The following ANO1 variants were observed in gnomAD, a reference collection of about 807,000 sequenced individuals.
ANO1 encodes the protein anoctamin-1.
In ANO1, 59 loss-of-function variants were observed where a neutral mutation model predicts 124.0. That is an observed-to-expected ratio of 0.48 (90% confidence interval 0.39 to 0.59). The LOEUF (loss-of-function observed/expected upper bound fraction) is 0.59, where lower values mean the gene tolerates loss of function less well. Among genes scored for constraint, ANO1 ranks in the 20% least tolerant of loss-of-function variants. The pLI, the probability that ANO1 is intolerant of heterozygous loss-of-function variation, is 0.00. For missense variants in ANO1, 1,059 were observed against 1,328.0 expected (o/e 0.80, Z 3.15); for synonymous variants, 529 against 532.0 (o/e 0.99, Z 0.08).
At position 70,103,930 on chromosome 11, in the gene ANO1, G is replaced by C. The variant is rs75924987; in HGVS notation, c.541-69G>C. 2,068 of 1,532,282 alleles carry C rather than the reference G, an allele frequency of 1.3e-3. 25 individuals carry two copies. The African/African-American group carries it at 0.026, about 19-fold the overall frequency. The allele number at this position is 1,532,282 out of a possible 1,614,324, so 94.9% of individuals were successfully genotyped here. Reference sequence around the variant, plus strand: ...GGGTGGGATGGTTCTCTGACCATCCGAGAACAGATTCCACGGATCATGGTC... The same window carrying C: ...GGGTGGGATGGTTCTCTGACCATCCCAGAACAGATTCCACGGATCATGGTC... On this transcript the variant is annotated intron_variant, in intron 3 of 25. Coordinates refer to ENST00000355303, the MANE Select transcript of ANO1 (RefSeq NM_018043.7).
In ANO1 at chr11:70,001,933, C is replaced by G. The variant is rs4611234; in HGVS notation, c.58+15767C>G. 1.2e-3 allele frequency among the ~76,000 whole-genome samples: 187 copies of G among 151,606 alleles called. 1 individual carries two copies. Among genetic ancestry groups the G allele is most frequent in the African/African-American group, 4.1e-3 (170 of 41,370 alleles). ...TCCTGCCTCAGCCTCTCCAGTAGCT[C>G]GGATTACAGGTGCCCACCACCACAC... On this transcript the variant is annotated intron_variant, in intron 1 of 27. Coordinates refer to the ANO1 transcript ENST00000531349.
At chr11:70,151,722 G>A (rs1470108667) in intron 12 of ANO1, among the ~76,000 whole-genome samples, 2 of 152,180 alleles carry the variant, frequency 1.3e-5, no homozygotes, top group East Asian at 1.9e-4. Flanking sequence ...CGGCTGGTCA[G>A]GGACTCCTTT....
intron 21 of ANO1, 52 bp from the exon 22 acceptor site, chr11:70,170,835 C>G (rs1045205504): frequency 1.3e-6 from 2 of 1,570,758 alleles, no homozygotes; most frequent in African/African-American, 1.4e-5. Flanking sequence ...GGAGTCCCCC[C>G]TTATGGGCTG....
intron 22 of ANO1, among the ~76,000 whole-genome samples, chr11:70,173,939 A>AT (rs367804030): frequency 0.027 from 3,886 of 143,566 alleles, 172 homozygotes; most frequent in African/African-American, 0.088. Flanking sequence ...GGCAGTTTTA[A>AT]TTTTTTTTTT....
In ANO1 at chr11:70,174,576, C is replaced by G. The variant is rs1408901303; in HGVS notation, c.2350+3537C>G. ...ATTGGCATCACAGAGCTGCCTCCAA[C>G]ATGAACTTTCCTCAGAACCTCAGCC... On this transcript the variant is annotated intron_variant, in intron 22 of 25. Transcript: ENST00000355303. 2.0e-5 allele frequency among the ~76,000 whole-genome samples: 3 copies of G among 152,298 alleles called. No individual in the cohort carries two copies. The East Asian group carries it at 5.8e-4, about 30-fold the overall frequency.
rs2045507347 is a variant in ANO1 at position 70,105,806 on chromosome 11, C to T, written c.747+18C>T. Reference sequence around the variant, plus strand: ...GCACGATTGTAAGTATCGCACGCGCCTGGAAACGGCTCACTGGCAAGATGG... The same window carrying T: ...GCACGATTGTAAGTATCGCACGCGCTTGGAAACGGCTCACTGGCAAGATGG... On this transcript the variant is annotated intron_variant, in intron 5 of 25. Transcript: ENST00000355303. 1 of 1,611,482 alleles carries T rather than the reference C, an allele frequency of 6.2e-7. No homozygotes were observed. Among genetic ancestry groups the T allele is most frequent in the South Asian group, 1.1e-5 (1 of 90,944 alleles).
intron 11 of ANO1, among the ~76,000 whole-genome samples, chr11:70,145,271 G>A (rs2047322497): frequency 6.6e-6 from 1 of 152,160 alleles, no homozygotes; most frequent in Non-Finnish European, 1.5e-5. Flanking sequence ...GGACTCCACA[G>A]CTCCACCCCC....
At chr11:70,107,916 C>T (rs902018342) in intron 5 of ANO1, among the ~76,000 whole-genome samples, 3 of 152,238 alleles carry the variant, frequency 2.0e-5, no homozygotes, top group African/African-American at 7.2e-5. Flanking sequence ...ACCCCTGATC[C>T]CCCAGAGTCC....
intron 1 of ANO1, among the ~76,000 whole-genome samples, chr11:70,079,861 C>T (rs1255980875): frequency 6.6e-6 from 1 of 152,192 alleles, no homozygotes; most frequent in East Asian, 1.9e-4. Flanking sequence ...GGCCTTGCAC[C>T]CCTTGGGTCA....
At chr11:70,121,658 A>C (rs1194772379) in intron 8 of ANO1, among the ~76,000 whole-genome samples, 38 of 62,310 alleles carry the variant, frequency 6.1e-4, no homozygotes, top group African/African-American at 7.0e-4. Context: ...CTGTCTCTCC[A>C]TCTGCCTCTG....
At position 70,108,127 on chromosome 11, in the gene ANO1, G is replaced by T. The variant is rs952860276; in HGVS notation, c.748-226G>T. 3 of 483,186 alleles carry T rather than the reference G, an allele frequency of 6.2e-6. No individual in the cohort carries two copies. In the East Asian group the frequency reaches 8.9e-5, roughly 14 times the overall value. The allele number at this position is 483,186 out of a possible 1,614,324, so 29.9% of individuals were successfully genotyped here. ...TGGGAGGTGAAAGATGGGAACTGCA[G>T]GTGCACCTGTTTCTCCCTGAGAAGC... On this transcript the variant is annotated intron_variant, in intron 5 of 25. Transcript: ENST00000355303.
chr11:70,137,132 T>C (rs2046981718), intron 11 of ANO1, among the ~76,000 whole-genome samples: 1 of 147,402 alleles, frequency 6.8e-6, no homozygotes, highest in Admixed American at 7.2e-5. Flanking sequence ...GGGATCAAAA[T>C]GTATCGTAAA....
the ANO1 span, among the ~76,000 whole-genome samples, chr11:69,976,455 C>T: frequency 2.1e-5 from 3 of 140,190 alleles, no homozygotes; most frequent in Non-Finnish European, 3.0e-5. Context: ...CGCAGTGAGC[C>T]GAGATAGCGC....
At chr11:69,986,419 G>A (rs1554996875) in intron 1 of ANO1, among the ~76,000 whole-genome samples, 1 of 152,042 alleles carries the variant, frequency 6.6e-6, no homozygotes, top group East Asian at 2.0e-4. Context: ...ACAGAGCCCC[G>A]GGGCTGGGCT....
intron 8 of ANO1, among the ~76,000 whole-genome samples, chr11:70,121,235 C>T (rs1247529495): frequency 6.6e-6 from 1 of 151,958 alleles, no homozygotes; most frequent in Non-Finnish European, 1.5e-5. Context: ...ATCTCTGTCT[C>T]TCCATCTGCC....
chr11:70,161,634 C>T lies in ANO1; in HGVS notation c.1793C>T (p.Thr598Met), dbSNP rs768971478. 1.9e-5 allele frequency: 30 copies of T among 1,613,812 alleles called. No individual in the cohort carries two copies. Among genetic ancestry groups the T allele is most frequent in the Admixed American group, 3.3e-5 (2 of 59,988 alleles). Residue 598 changes from threonine to methionine, a missense_variant, in exon 18 of 26, where the codon ACG (threonine) becomes ATG (methionine). Transcript: ENST00000355303. ...CCCCTCCCTCTAGAGGTCCCAAAGA[C>T]GGAGAAAAGCTTTGAGGAGAGGCTG... Reference protein sequence around the residue: ...RWLTKIEVPKTEKSFEERLIF... With the variant: ...RWLTKIEVPKMEKSFEERLIF...
intron 1 of ANO1, among the ~76,000 whole-genome samples, chr11:70,042,823 G>A (rs1857204383): frequency 6.6e-6 from 1 of 152,194 alleles, no homozygotes; most frequent in Non-Finnish European, 1.5e-5. Flanking sequence ...CTATCAAAGT[G>A]TAGGAGCAAA....
intron 10 of ANO1, among the ~76,000 whole-genome samples, chr11:70,127,008 G>A (rs1409489596): frequency 2.3e-5 from 3 of 131,090 alleles, no homozygotes; most frequent in South Asian, 3.2e-4. Context: ...TAGAGGCCTC[G>A]GTACAGGCTG....
At chr11:70,015,421 A>G (rs2134981699) in intron 1 of ANO1, among the ~76,000 whole-genome samples, 1 of 152,260 alleles carries the variant, frequency 6.6e-6, no homozygotes, top group South Asian at 2.1e-4. Context: ...GGCCCAGCGC[A>G]GGTTCAGCCT....
Sources: gnomAD v4.1 joint callset for allele counts (sites outside exome capture counted in the v4.1 genomes callset) on GRCh38, gnomAD v4.1.1 for gene constraint, MANE v1.5 for transcripts, NCBI Gene and HGNC (gene_info 2026-07-23, HGNC 2026-07-21) for gene names.